RBKS: variants seen among roughly 807,000 people sequenced by gnomAD.
RBKS encodes the protein ribokinase.
RBKS carries 33 observed loss-of-function variants against 33.9 expected under a neutral mutation model. The observed-to-expected ratio is 0.97, with a 90% CI of 0.74 to 1.30. The LOEUF (loss-of-function observed/expected upper bound fraction) is 1.30. Among genes scored for constraint, RBKS ranks in the 50% most tolerant of loss-of-function variants. The pLI is 0.00. For missense variants in RBKS, 361 were observed against 392.6 expected (o/e 0.92, Z 0.68); for synonymous variants, 125 against 143.0 (o/e 0.87, Z 0.90).
chr2:27,869,873 G>C (rs1262512538), intron 1 of RBKS: 1 of 152,608 alleles, frequency 6.6e-6, no homozygotes, highest in African/African-American at 2.4e-5. Flanking sequence ...GGAAATGGAA[G>C]CAAGCTTTTC....
chr2:27,792,758 T>A (rs538951674), intron 7 of RBKS, among the ~76,000 whole-genome samples: 1 of 152,314 alleles, frequency 6.6e-6, no homozygotes, highest in East Asian at 1.9e-4. Flanking sequence ...CTGTGTCTAG[T>A]TTGGAAGCCA....
intron 7 of RBKS, among the ~76,000 whole-genome samples, chr2:27,803,259 A>C (rs753095631): frequency 5.9e-5 from 9 of 152,246 alleles, no homozygotes; most frequent in Admixed American, 2.6e-4. Flanking sequence ...CATGATGGAC[A>C]GTGAGAGTTC....
chr2:27,781,401 T>C lies in RBKS; in HGVS notation c.*214A>G. 2.0e-6 allele frequency: 1 copy of C among 505,118 alleles called. No individual in the cohort carries two copies. Among genetic ancestry groups the C allele is most frequent in the Non-Finnish European group, 3.5e-6 (1 of 286,068 alleles). 31.3% of individuals were successfully genotyped at this position (505,118 alleles called of 1,614,324 possible). A position where few individuals can be genotyped will look rare whatever the true frequency, so the allele number is the denominator to read the frequency against. On this transcript the variant is annotated 3_prime_UTR_variant, in exon 8 of 8. Transcript: ENST00000302188. ...GTCTTTATGTTTGTACAGATCTTGG[T>C]TGTGGAATCTTTAATTCTGGTTGTT...
intron 7 of RBKS, among the ~76,000 whole-genome samples, chr2:27,793,159 AG>A (rs1294670210): frequency 1.3e-5 from 2 of 152,242 alleles, no homozygotes; most frequent in African/African-American, 4.8e-5. Context: ...AATATACTGG[AG>A]AAAGAAAAAT....
At chr2:27,862,519 C>T (rs568885049) in intron 1 of RBKS, among the ~76,000 whole-genome samples, 1 of 152,300 alleles carries the variant, frequency 6.6e-6, no homozygotes, top group South Asian at 2.1e-4. Flanking sequence ...GCTGGCTTCT[C>T]GCAGGTGTCA....
At chr2:27,822,381 T>C (rs1457836186) in intron 7 of RBKS, among the ~76,000 whole-genome samples, 4 of 152,200 alleles carry the variant, frequency 2.6e-5, no homozygotes, top group Non-Finnish European at 5.9e-5. Context: ...TTGGGAATGA[T>C]GGCCCCTCAG....
chr2:27,800,084 GCT>G (rs1401875073), intron 7 of RBKS, among the ~76,000 whole-genome samples: 4 of 106,224 alleles, frequency 3.8e-5, no homozygotes, highest in African/African-American at 1.5e-4. Flanking sequence ...ATCGGCTCTT[GCT>G]CTGTCACCCA....
At chr2:27,835,821 G>A (rs1407632679) in intron 5 of RBKS, among the ~76,000 whole-genome samples, 2 of 151,938 alleles carry the variant, frequency 1.3e-5, no homozygotes, top group African/African-American at 4.8e-5. Context: ...TGTCGGAGAG[G>A]TTTCTCACCA....
At chr2:27,801,464 T>TACACACACAC (rs56063622) in intron 7 of RBKS, among the ~76,000 whole-genome samples, 1,412 of 136,272 alleles carry the variant, frequency 0.01, 19 homozygotes, top group South Asian at 0.023. Flanking sequence ...GGCCACAGTA[T>TACACACACAC]ACACACACAC....
intron 1 of RBKS, among the ~76,000 whole-genome samples, chr2:27,879,708 C>A (rs1399235516): frequency 6.6e-6 from 1 of 152,154 alleles, no homozygotes; most frequent in Non-Finnish European, 1.5e-5. Context: ...ATATTATAAA[C>A]ACCTCTATGC....
chr2:27,836,086 C>T (rs563005066), intron 5 of RBKS, among the ~76,000 whole-genome samples: 2 of 152,056 alleles, frequency 1.3e-5, no homozygotes, highest in African/African-American at 4.8e-5. Context: ...TGGTGGCATG[C>T]GCTTGTTAGT....
chr2:27,827,587 C>T lies in RBKS; in HGVS notation c.775G>A (p.Val259Ile). Residue 259 changes from valine to isoleucine, a missense_variant, in exon 7 of 8, where the codon GTC (valine) becomes ATC (isoleucine). Physicochemically the swap from Val to Ile is conservative, Grantham distance 29. Coordinates refer to ENST00000302188, the MANE Select transcript of RBKS (RefSeq NM_022128.3). ...PEPKHIPTEKVKAVDTTGAGD... is the reference protein window; with the variant it reads ...PEPKHIPTEKIKAVDTTGAGD... ...CTTACCGTGGTATCCACAGCCTTGA[C>T]TTTCTCTGTGGGAATGTGCTTTGGC... 1 of 1,594,318 alleles carries T rather than the reference C, an allele frequency of 6.3e-7. No individual in the cohort carries two copies. The highest frequency in any genetic ancestry group is 8.5e-7 in the Non-Finnish European group (1 of 1,172,964).
At position 27,837,506 on chromosome 2, in the gene RBKS, C is replaced by T. The variant is rs1678549622; in HGVS notation, c.515-4729G>A. The stretch of plus-strand genomic sequence containing the variant: ...ACCCAAAGGAAAACAGATCATTATA[C>T]CTAAAGGAAACATGTACTTGTATGT... On this transcript the variant is annotated intron_variant, in intron 5 of 7. Transcript: ENST00000302188. This position sits in a 1 kb window ranked among gnomAD's most constrained non-coding sequence, Gnocchi z 4.0. Among the ~76,000 whole-genome samples the T allele has an allele frequency of 6.6e-6, 1 of 152,056 alleles. No individual in the cohort carries two copies. The highest frequency in any genetic ancestry group is 1.5e-5 in the Non-Finnish European group (1 of 68,028).
At chr2:27,846,046 C>T (rs1242080034) in intron 4 of RBKS, among the ~76,000 whole-genome samples, 1 of 152,006 alleles carries the variant, frequency 6.6e-6, no homozygotes, top group African/African-American at 2.4e-5. Context: ...CTCACTGCAA[C>T]CTCCGCCTTG....
At chr2:27,802,251 C>T (rs1258123051) in intron 7 of RBKS, among the ~76,000 whole-genome samples, 3 of 151,672 alleles carry the variant, frequency 2.0e-5, no homozygotes, top group Non-Finnish European at 2.9e-5. Context: ...ATCCAGTCAC[C>T]TCCCACAAGA....
At chr2:27,829,923 G>A (rs1010221339) in intron 6 of RBKS, among the ~76,000 whole-genome samples, 1 of 152,128 alleles carries the variant, frequency 6.6e-6, no homozygotes, top group African/African-American at 2.4e-5. Context: ...CTGTTAGCAG[G>A]GGAGCCACAG....
At chr2:27,788,911 T>C (rs1400102395) in intron 7 of RBKS, among the ~76,000 whole-genome samples, 2 of 152,184 alleles carry the variant, frequency 1.3e-5, no homozygotes, top group East Asian at 1.9e-4. Flanking sequence ...TCTTAAGATA[T>C]AAATTCTCCC....
intron 7 of RBKS, among the ~76,000 whole-genome samples, chr2:27,789,868 A>ATG (rs112593610): frequency 0.051 from 6,626 of 130,994 alleles, 146 homozygotes; most frequent in East Asian, 0.076. Flanking sequence ...TGGCCAGCTG[A>ATG]TGTGTGTGTG....
At chr2:27,871,497 C>G (rs1420735573) in intron 1 of RBKS, among the ~76,000 whole-genome samples, 3 of 152,152 alleles carry the variant, frequency 2.0e-5, no homozygotes, top group Non-Finnish European at 4.4e-5. Context: ...GCTGTCTCAT[C>G]ATTGGGTCTT....
Sources: gnomAD v4.1 joint callset for allele counts (sites outside exome capture counted in the v4.1 genomes callset) on GRCh38, gnomAD v4.1.1 for gene constraint, Gnocchi (gnomAD v3.1) non-coding constraint, MANE v1.5 for transcripts, NCBI Gene and HGNC (gene_info 2026-07-23, HGNC 2026-07-21) for gene names.